The following ACOX3 variants were observed in gnomAD, a reference collection of about 807,000 sequenced individuals.
ACOX3 encodes the protein acyl-CoA oxidase 3, pristanoyl.
In ACOX3, 73 loss-of-function variants were observed where a neutral mutation model predicts 81.5. The ratio of observed to expected loss-of-function variants is 0.90; its 90% confidence interval spans 0.74 to 1.09. ACOX3 has a LOEUF of 1.09. Ranked by LOEUF, ACOX3 falls within the 50% of genes least tolerant of loss-of-function variation. The pLI is 0.00. For missense variants in ACOX3, 947 were observed against 928.0 expected, an observed-to-expected ratio of 1.02 and a Z score of -0.27; for synonymous variants, 387 against 375.1, an observed-to-expected ratio of 1.03 and a Z score of -0.37.
At chr4:8,420,696 C>G (rs1228364391) in intron 1 of ACOX3, among the ~76,000 whole-genome samples, 1 of 152,192 alleles carries the variant, frequency 6.6e-6, no homozygotes, top group Admixed American at 6.5e-5. Context: ...CAACTGCACA[C>G]TCTTCTGGTC....
In ACOX3 at chr4:8,368,254, A is replaced by C. The variant is rs1339967287; in HGVS notation, c.1984-1174T>G. 1.3e-5 allele frequency among the ~76,000 whole-genome samples: 2 copies of C among 152,160 alleles called. No individual in the cohort carries two copies. The highest frequency in any genetic ancestry group is 4.8e-5 in the African/African-American group (2 of 41,432). On this transcript the variant is annotated intron_variant, in intron 17 of 17. Coordinates refer to ENST00000356406, the MANE Select transcript of ACOX3 (RefSeq NM_003501.3). The surrounding 1 kb of genome is among the most constrained non-coding windows in gnomAD (Gnocchi z 5.9). ...CCCCGGGCCAGCACTCCCCTACGGGAGGTGCAGACTTCACTGCTCTCAGCC... is the reference window on the plus strand; with the variant it reads ...CCCCGGGCCAGCACTCCCCTACGGGCGGTGCAGACTTCACTGCTCTCAGCC...
At chr4:8,380,897 G>T (rs1187884590) in intron 14 of ACOX3, among the ~76,000 whole-genome samples, 3 of 152,198 alleles carry the variant, frequency 2.0e-5, no homozygotes, top group Non-Finnish European at 4.4e-5. Flanking sequence ...TAGACAGGGT[G>T]GGGGCTGGGC....
Position 8,399,746 on chromosome 4 carries a change from G to C in ACOX3, c.777-94C>G. On this transcript the variant is annotated intron_variant, in intron 7 of 17. Transcript: ENST00000356406. This position sits in a 1 kb window ranked among gnomAD's most constrained non-coding sequence, Gnocchi z 4.9. ...CAGCCTAAAAGCTGATGCAATCCCC[G>C]AGGACAAAGAAAATGGCAGAGGGCA... The C allele has an allele frequency of 1.8e-6, 2 of 1,129,956 alleles. No individual in the cohort carries two copies. The highest frequency in any genetic ancestry group is 2.0e-4 in the Middle Eastern group (1 of 4,980). The allele number at this position is 1,129,956 out of a possible 1,614,324, so 70.0% of individuals were successfully genotyped here. A position where few individuals can be genotyped will look rare whatever the true frequency, so the allele number is the denominator to read the frequency against.
intron 7 of ACOX3, among the ~76,000 whole-genome samples, chr4:8,404,783 T>C (rs1490335876): frequency 6.6e-6 from 1 of 152,200 alleles, no homozygotes; most frequent in African/African-American, 2.4e-5. Flanking sequence ...TATGAAACAC[T>C]ATATGAAACA....
At position 8,389,723 on chromosome 4, in the gene ACOX3, C is replaced by G. The variant is rs144215776; in HGVS notation, c.1312G>C (p.Gly438Arg). 1.8e-5 allele frequency: 29 copies of G among 1,613,874 alleles called. No individual in the cohort carries two copies. In the African/African-American group the frequency reaches 2.9e-4, roughly 16 times the overall value. Residue 438 changes from glycine (G) to arginine (R), a missense_variant, in exon 12 of 18, where the codon GGT (glycine) becomes CGT (arginine). Gly to Arg is a moderately radical substitution (Grantham distance 125). Coordinates refer to ENST00000356406, the MANE Select transcript of ACOX3 (RefSeq NM_003501.3). This position sits in a 1 kb window ranked among gnomAD's most constrained non-coding sequence, Gnocchi z 5.3. The part of the protein sequence containing the change: ...GHGYLAMNRL[G>R]VLRDDNDPNC... The stretch of plus-strand genomic sequence containing the variant: ...GGATCGTTGTCATCTCTAAGGACAC[C>G]CAACCGGTTCACTGCAACAAAGCCA...
chr4:8,408,529 C>T (rs1050664671), intron 6 of ACOX3, among the ~76,000 whole-genome samples: 2 of 152,134 alleles, frequency 1.3e-5, no homozygotes, highest in Admixed American at 6.5e-5. Flanking sequence ...GCTCTATGTC[C>T]CCAAAATCAG....
Position 8,370,351 on chromosome 4 carries a change from C to T in ACOX3, c.1983+557G>A, listed in dbSNP as rs529025261. ...GCTGGTGGAGGCTCCCTCAGGGGGGCGGCCTGACCCCATCTGCTATGAAGG... is the reference window on the plus strand; with the variant it reads ...GCTGGTGGAGGCTCCCTCAGGGGGGTGGCCTGACCCCATCTGCTATGAAGG... On this transcript the variant is annotated intron_variant, in intron 17 of 17. Coordinates refer to ENST00000356406, the MANE Select transcript of ACOX3 (RefSeq NM_003501.3). This position sits in a 1 kb window ranked among gnomAD's most constrained non-coding sequence, Gnocchi z 6.3. Among the ~76,000 whole-genome samples the T allele has an allele frequency of 6.4e-4, 98 of 151,984 alleles. No individual in the cohort carries two copies. Among genetic ancestry groups the T allele is most frequent in the Admixed American group, 1.4e-3 (22 of 15,288 alleles).
chr4:8,367,988 T>C (rs2108777110), intron 17 of ACOX3, among the ~76,000 whole-genome samples: 1 of 148,612 alleles, frequency 6.7e-6, no homozygotes, highest in East Asian at 2.0e-4. Flanking sequence ...TGAGATCCTA[T>C]CTCAAAAAAA....
chr4:8,401,738 GC>G, intron 7 of ACOX3, among the ~76,000 whole-genome samples: 1 of 152,186 alleles, frequency 6.6e-6, no homozygotes, highest in South Asian at 2.1e-4. Flanking sequence ...TGCCCCATCT[GC>G]CCCTCTAACA....
Position 8,416,295 on chromosome 4 carries a change from G to C in ACOX3, c.144+83C>G, listed in dbSNP as rs1018490999. ...AGCCTCGCCCGGCAGAGGAGGAGCTGTGAGAGCCAGAAATCCCATTCTGCT... is the reference window on the plus strand; with the variant it reads ...AGCCTCGCCCGGCAGAGGAGGAGCTCTGAGAGCCAGAAATCCCATTCTGCT... On this transcript the variant is annotated intron_variant, in intron 2 of 17. Transcript: ENST00000356406. This position sits in a 1 kb window ranked among gnomAD's most constrained non-coding sequence, Gnocchi z 4.2. 16 of 1,608,426 alleles carry C rather than the reference G, an allele frequency of 9.9e-6. No homozygotes were observed. The highest frequency in any genetic ancestry group is 1.4e-5 in the Non-Finnish European group (16 of 1,177,268).
intron 8 of ACOX3, among the ~76,000 whole-genome samples, chr4:8,398,232 T>G (rs1398115202): frequency 6.6e-6 from 1 of 152,196 alleles, no homozygotes; most frequent in Non-Finnish European, 1.5e-5. Context: ...GATTCCACTG[T>G]CTTCATGCAT....
chr4:8,372,543 C>T (rs1319957596), intron 16 of ACOX3, among the ~76,000 whole-genome samples: 1 of 152,176 alleles, frequency 6.6e-6, no homozygotes, highest in Non-Finnish European at 1.5e-5. Context: ...CTTGGAGGAG[C>T]CAAGGAAAAC....
In ACOX3 at chr4:8,400,946, T is replaced by C. The variant is rs970914064; in HGVS notation, c.777-1294A>G. ...TTATACAATTAGCCATAATGCAAAATTGCAAAATCAGTGGGAGCCTGAGCT... is the reference window on the plus strand; with the variant it reads ...TTATACAATTAGCCATAATGCAAAACTGCAAAATCAGTGGGAGCCTGAGCT... On this transcript the variant is annotated intron_variant, in intron 7 of 17. Transcript: ENST00000356406. This position sits in a 1 kb window ranked among gnomAD's most constrained non-coding sequence, Gnocchi z 4.4. Among the ~76,000 whole-genome samples the C allele has an allele frequency of 1.5e-5, 2 of 136,690 alleles. No individual in the cohort carries two copies. Among genetic ancestry groups the C allele is most frequent in the Non-Finnish European group, 3.2e-5 (2 of 63,018 alleles). 89.7% of individuals were successfully genotyped at this position (136,690 alleles called of 152,430 possible).
intron 13 of ACOX3, among the ~76,000 whole-genome samples, chr4:8,383,555 C>T (rs997947296): frequency 1.4e-4 from 22 of 152,300 alleles, no homozygotes; most frequent in Middle Eastern, 3.4e-3. Context: ...GGAGCCTGGG[C>T]GGGAAAAGCC....
At chr4:8,377,320 A>G (rs895973149) in intron 14 of ACOX3, among the ~76,000 whole-genome samples, 3 of 152,192 alleles carry the variant, frequency 2.0e-5, no homozygotes, top group African/African-American at 7.2e-5. Context: ...GTGTTTTTCC[A>G]TGAAAGTGAC....
At chr4:8,393,879 G>A (rs1719356254) in intron 10 of ACOX3, among the ~76,000 whole-genome samples, 1 of 152,166 alleles carries the variant, frequency 6.6e-6, no homozygotes, top group Admixed American at 6.5e-5. Context: ...CCCCTTTAGT[G>A]GTCAGAAGCG....
At chr4:8,372,859 C>A (rs1716392289) in intron 16 of ACOX3, among the ~76,000 whole-genome samples, 1 of 152,196 alleles carries the variant, frequency 6.6e-6, no homozygotes, top group Non-Finnish European at 1.5e-5. Flanking sequence ...AGTGGCCCTG[C>A]CCACCGCAGC....
intron 8 of ACOX3, among the ~76,000 whole-genome samples, chr4:8,398,310 T>G (rs1403669550): frequency 1.3e-5 from 2 of 152,186 alleles, no homozygotes; most frequent in African/African-American, 4.8e-5. Flanking sequence ...ATCTGGAAGA[T>G]TCTAGAATTT....
downstream of ACOX3, among the ~76,000 whole-genome samples, chr4:8,361,577 A>T (rs1287761876): frequency 2.0e-5 from 3 of 151,984 alleles, no homozygotes. Flanking sequence ...AAGGGGTATT[A>T]TTCAGTTTTT....
Sources: gnomAD v4.1 joint callset for allele counts (sites outside exome capture counted in the v4.1 genomes callset) on GRCh38, gnomAD v4.1.1 for gene constraint, Gnocchi (gnomAD v3.1) non-coding constraint, MANE v1.5 for transcripts, NCBI Gene and HGNC (gene_info 2026-07-23, HGNC 2026-07-21) for gene names.